Variants in TENM3 observed in about 807,000 individuals in gnomAD.
The protein encoded by TENM3 is teneurin-3.
A neutral mutation model predicts 255.1 loss-of-function variants in TENM3; 63 were observed. The observed-to-expected ratio is 0.25, with a 90% confidence interval of 0.20 to 0.30. TENM3 has a LOEUF of 0.30. Ranked by LOEUF, TENM3 falls within the 10% of genes least tolerant of loss-of-function variation. The probability of loss-of-function intolerance (pLI) is 1.00; values close to 1 mark genes in which losing one functional copy is unlikely to be tolerated. For synonymous variants in TENM3, 1,306 were observed against 1,322.3 expected (o/e 0.99, Z 0.27); for missense variants, 2,929 against 3,461.1 (o/e 0.85, Z 3.86).
intron 2 of TENM3, among the ~76,000 whole-genome samples, chr4:182,327,674 A>G (rs1460137861): frequency 6.6e-6 from 1 of 152,060 alleles, no homozygotes; most frequent in Admixed American, 6.6e-5. Flanking sequence ...AAATCTCTTC[A>G]TGTAGTTTGT....
chr4:182,620,224 T>G (rs984672950), intron 4 of TENM3, among the ~76,000 whole-genome samples: 5 of 152,228 alleles, frequency 3.3e-5, no homozygotes, highest in Non-Finnish European at 7.3e-5. Context: ...AAACTCACTG[T>G]CTACTCTCCA....
chr4:181,891,659 A>C, the TENM3 span, among the ~76,000 whole-genome samples: 1 of 152,156 alleles, frequency 6.6e-6, no homozygotes, highest in Non-Finnish European at 1.5e-5. Context: ...CTATATGCTC[A>C]TTATTAAACC....
intron 1 of TENM3, among the ~76,000 whole-genome samples, chr4:182,265,362 C>A (rs1323223728): frequency 1.3e-5 from 2 of 152,132 alleles, no homozygotes; most frequent in African/African-American, 4.8e-5. Context: ...ACCATCTCCA[C>A]CCCACGCTGG....
chr4:182,674,388 A>G (rs1237932505), intron 7 of TENM3, among the ~76,000 whole-genome samples: 1 of 152,114 alleles, frequency 6.6e-6, no homozygotes, highest in Non-Finnish European at 1.5e-5. Context: ...ATATACATAT[A>G]TTAATTTTAT....
At chr4:182,019,277 C>A in the TENM3 span, among the ~76,000 whole-genome samples, 2 of 152,198 alleles carry the variant, frequency 1.3e-5, no homozygotes, top group East Asian at 3.9e-4. Flanking sequence ...ATCAAGCCCC[C>A]TCTGAGTCAT....
At chr4:181,495,463 T>C in the TENM3 span, among the ~76,000 whole-genome samples, 4 of 152,068 alleles carry the variant, frequency 2.6e-5, no homozygotes, top group Non-Finnish European at 5.9e-5. Flanking sequence ...TTCTCTCCAT[T>C]ATGAAAAAGG....
Position 182,620,149 on chromosome 4 carries a change from A to T in TENM3, c.750-8502A>T, listed in dbSNP as rs553935499. Among the ~76,000 whole-genome samples, 10 of 152,360 alleles carry T rather than the reference A, an allele frequency of 6.6e-5. No individual in the cohort carries two copies. The East Asian group carries it at 1.9e-3, about 29-fold the overall frequency. On this transcript the variant is annotated intron_variant, in intron 4 of 27. Coordinates refer to ENST00000511685, the MANE Select transcript of TENM3 (RefSeq NM_001080477.4). ...CTCGGCAGAGTCACAGGATGGGAAG[A>T]GACTAATGACACACAAAAATGTGTG...
At chr4:181,792,411 G>C in the TENM3 span, among the ~76,000 whole-genome samples, 1 of 152,190 alleles carries the variant, frequency 6.6e-6, no homozygotes, top group African/African-American at 2.4e-5. Context: ...TCTTCATCAT[G>C]AATTACGCTT....
At chr4:181,901,727 A>C in the TENM3 span, among the ~76,000 whole-genome samples, 5 of 152,186 alleles carry the variant, frequency 3.3e-5, no homozygotes, top group African/African-American at 1.2e-4. Flanking sequence ...GAATTTCACC[A>C]CAATGTTTTC....
the TENM3 span, among the ~76,000 whole-genome samples, chr4:181,551,352 T>A: frequency 6.6e-6 from 1 of 152,154 alleles, no homozygotes; most frequent in Non-Finnish European, 1.5e-5. Context: ...AATGCACAAT[T>A]TGAGGCAGAT....
chr4:182,028,204 G>T, the TENM3 span, among the ~76,000 whole-genome samples: 3 of 152,126 alleles, frequency 2.0e-5, no homozygotes, highest in Non-Finnish European at 2.9e-5. Context: ...TTGGTAGGTT[G>T]TATGTGTCTA....
intron 3 of TENM3, among the ~76,000 whole-genome samples, chr4:182,565,578 A>C (rs551674542): frequency 1.3e-5 from 2 of 152,340 alleles, no homozygotes; most frequent in Admixed American, 1.3e-4. Context: ...AGCATCCCTC[A>C]TACCAATGAT....
At chr4:181,550,293 A>T in the TENM3 span, among the ~76,000 whole-genome samples, 1 of 152,196 alleles carries the variant, frequency 6.6e-6, no homozygotes, top group Non-Finnish European at 1.5e-5. Flanking sequence ...GTTTACGAAG[A>T]TTCTCTACTT....
At chr4:182,528,345 A>G (rs1739440034) in intron 3 of TENM3, among the ~76,000 whole-genome samples, 1 of 151,894 alleles carries the variant, frequency 6.6e-6, no homozygotes, top group Non-Finnish European at 1.5e-5. Context: ...AGTTTTAATC[A>G]CTACTTAAAA....
the TENM3 span, among the ~76,000 whole-genome samples, chr4:181,954,630 A>G: frequency 1.2e-3 from 178 of 152,230 alleles, no homozygotes; most frequent in Non-Finnish European, 2.2e-3. Flanking sequence ...AGTGAGTTGT[A>G]TGCTTCGGTT....
intron 3 of TENM3, among the ~76,000 whole-genome samples, chr4:182,518,340 A>G (rs747088667): frequency 6.6e-6 from 1 of 152,166 alleles, no homozygotes; most frequent in Non-Finnish European, 1.5e-5. Context: ...ATGATGGAAT[A>G]TCACTCCAGT....
intron 16 of TENM3, among the ~76,000 whole-genome samples, chr4:182,734,224 T>A (rs1265698254): frequency 6.6e-6 from 1 of 152,092 alleles, no homozygotes; most frequent in African/African-American, 2.4e-5. Flanking sequence ...AAAGCACGTT[T>A]CAGATTGAAG....
At chr4:181,740,941 CT>C in the TENM3 span, among the ~76,000 whole-genome samples, 1 of 152,120 alleles carries the variant, frequency 6.6e-6, no homozygotes, top group African/African-American at 2.4e-5. Context: ...GGCTACATTT[CT>C]ATCAAAATAG....
the TENM3 span, among the ~76,000 whole-genome samples, chr4:181,584,601 G>A: frequency 2.6e-5 from 4 of 152,108 alleles, no homozygotes; most frequent in Non-Finnish European, 5.9e-5. Context: ...CAGAAAACTT[G>A]ACATTTCTTC....
Sources: gnomAD v4.1 joint callset for allele counts (sites outside exome capture counted in the v4.1 genomes callset) on GRCh38, gnomAD v4.1.1 for gene constraint, MANE v1.5 for transcripts, NCBI Gene and HGNC (gene_info 2026-07-23, HGNC 2026-07-21) for gene names.